CTNND2: variants seen among roughly 807,000 people sequenced by gnomAD.
CTNND2 encodes the protein catenin delta-2.
In CTNND2, 22 loss-of-function variants were observed where a neutral mutation model predicts 144.4. That is an observed-to-expected ratio of 0.15 (90% CI 0.11 to 0.22). The LOEUF (loss-of-function observed/expected upper bound fraction) is 0.22, where lower values mean the gene tolerates loss of function less well. CTNND2 is among the 10% of genes least tolerant of loss of function. The pLI, the probability that CTNND2 is intolerant of heterozygous loss-of-function variation, is 1.00. For synonymous variants in CTNND2, 751 were observed against 695.6 expected, an observed-to-expected ratio of 1.08 and a Z score of -1.25; for missense variants, 1,353 against 1,618.8, an observed-to-expected ratio of 0.84 and a Z score of 2.82.
chr5:11,795,354 C>T, intron 1 of CTNND2, among the ~76,000 whole-genome samples: 1 of 152,198 alleles, frequency 6.6e-6, no homozygotes, highest in East Asian at 1.9e-4. Context: ...GAATAAAAAT[C>T]TGGAAGTGAG....
chr5:11,754,423 T>A (rs1240871075), intron 1 of CTNND2, among the ~76,000 whole-genome samples: 1 of 144,404 alleles, frequency 6.9e-6, no homozygotes, highest in African/African-American at 2.5e-5. Context: ...CTGTTGTGGT[T>A]TTTTGGGGGA....
chr5:11,605,346 T>C (rs1779993716), intron 2 of CTNND2, among the ~76,000 whole-genome samples: 1 of 152,220 alleles, frequency 6.6e-6, no homozygotes, highest in Admixed American at 6.5e-5. Flanking sequence ...GGGTCTTACA[T>C]TCTAATGAAG....
intron 9 of CTNND2, among the ~76,000 whole-genome samples, chr5:11,308,769 A>C (rs1283900177): frequency 6.6e-6 from 1 of 152,180 alleles, no homozygotes; most frequent in Non-Finnish European, 1.5e-5. Flanking sequence ...ACCACAGTCT[A>C]TCTGTATTAG....
chr5:11,673,393 AT>A (rs2126606484), intron 2 of CTNND2, among the ~76,000 whole-genome samples: 1 of 152,312 alleles, frequency 6.6e-6, no homozygotes, highest in South Asian at 2.1e-4. Flanking sequence ...CCAATATGTT[AT>A]AAATGCATTT....
chr5:11,731,706 C>A (rs940389246), intron 2 of CTNND2, among the ~76,000 whole-genome samples: 9 of 152,164 alleles, frequency 5.9e-5, no homozygotes, highest in African/African-American at 2.2e-4. Context: ...TCAGAAAACA[C>A]TGGAAAAACC....
chr5:11,597,335 T>A (rs756540678), intron 2 of CTNND2, among the ~76,000 whole-genome samples: 13 of 152,202 alleles, frequency 8.5e-5, no homozygotes, highest in Admixed American at 2.0e-4. Flanking sequence ...CAGGCTTTGC[T>A]TACAGCTTTG....
At chr5:11,495,816 C>T (rs1482416561) in intron 3 of CTNND2, among the ~76,000 whole-genome samples, 1 of 152,170 alleles carries the variant, frequency 6.6e-6, no homozygotes, top group Non-Finnish European at 1.5e-5. Context: ...CTCTTGCTGA[C>T]ATCTGAGGAG....
intron 9 of CTNND2, among the ~76,000 whole-genome samples, chr5:11,250,512 TACA>T (rs1561094240): frequency 1.9e-4 from 14 of 72,426 alleles, no homozygotes; most frequent in Non-Finnish European, 3.0e-4. Flanking sequence ...TATATATATA[TACA>T]TATATTTTTT....
rs2149956770 is a variant in CTNND2, at chr5:11,471,977, C to CATAT, written c.288-59912_288-59909dup. On this transcript the variant is annotated intron_variant, in intron 3 of 21. Transcript: ENST00000304623. ...CAAAACTTCTTGTCTTCCCTGTTAC[C>CATAT]ATATATAGAACAATTCAGCCTTTAT... is the stretch of plus-strand genomic sequence containing the variant. Among the ~76,000 whole-genome samples the CATAT allele has an allele frequency of 2.0e-5, 3 of 152,218 alleles. 1 individual carries two copies. The South Asian group carries it at 6.2e-4, about 32-fold the overall frequency.
intron 2 of CTNND2, among the ~76,000 whole-genome samples, chr5:11,592,801 G>A (rs1187893373): frequency 6.6e-6 from 1 of 151,254 alleles, no homozygotes; most frequent in Non-Finnish European, 1.5e-5. Context: ...GGGCTAAGAA[G>A]AGCAAGCAGT....
chr5:11,704,404 G>A (rs1785599111), intron 2 of CTNND2, among the ~76,000 whole-genome samples: 1 of 152,170 alleles, frequency 6.6e-6, no homozygotes, highest in Non-Finnish European at 1.5e-5. Flanking sequence ...GTAGCAGATG[G>A]TTCACTTTAA....
chr5:11,540,580 G>A (rs549749727), intron 3 of CTNND2, among the ~76,000 whole-genome samples: 1 of 152,240 alleles, frequency 6.6e-6, no homozygotes, highest in East Asian at 1.9e-4. Context: ...GCAGTGGCAC[G>A]GTCTTGGTTC....
intron 3 of CTNND2, among the ~76,000 whole-genome samples, chr5:11,446,077 T>G (rs986372520): frequency 2.0e-5 from 3 of 152,136 alleles, no homozygotes; most frequent in African/African-American, 7.2e-5. Flanking sequence ...GTTCAAGAGA[T>G]TCTCATGCTT....
intron 9 of CTNND2, among the ~76,000 whole-genome samples, chr5:11,335,220 A>T (rs917830550): frequency 1.3e-5 from 2 of 152,172 alleles, no homozygotes; most frequent in Non-Finnish European, 2.9e-5. Context: ...TTTAAAATAT[A>T]TTTTTTACTA....
At chr5:11,401,060 C>G (rs1298040061) in intron 5 of CTNND2, among the ~76,000 whole-genome samples, 1 of 152,202 alleles carries the variant, frequency 6.6e-6, no homozygotes, top group Admixed American at 6.5e-5. Context: ...CTTACAGATT[C>G]CAGGTGCTGG....
chr5:11,738,300 G>A (rs1449849649), intron 1 of CTNND2, among the ~76,000 whole-genome samples: 1 of 152,160 alleles, frequency 6.6e-6, no homozygotes, highest in East Asian at 1.9e-4. Flanking sequence ...GATGCAATAA[G>A]AAATTCAGAA....
intron 2 of CTNND2, among the ~76,000 whole-genome samples, chr5:11,661,916 A>T (rs1190843268): frequency 1.3e-5 from 2 of 151,750 alleles, no homozygotes; most frequent in Non-Finnish European, 2.9e-5. Context: ...CTCCTGTCAG[A>T]TCAGCAGCGG....
intron 2 of CTNND2, among the ~76,000 whole-genome samples, chr5:11,663,977 C>G (rs1783418433): frequency 6.6e-6 from 1 of 151,978 alleles, no homozygotes; most frequent in South Asian, 2.1e-4. Flanking sequence ...AGGTAGAAAC[C>G]ATCTCAAGAC....
chr5:11,824,569 C>T (rs888642790), intron 1 of CTNND2, among the ~76,000 whole-genome samples: 1 of 152,128 alleles, frequency 6.6e-6, no homozygotes, highest in East Asian at 1.9e-4. Flanking sequence ...GCTCTAAATT[C>T]CTCAGTGACA....
Sources: allele counts gnomAD v4.1 joint callset (sites outside exome capture counted in the v4.1 genomes callset), GRCh38; gene constraint gnomAD v4.1.1; transcripts MANE v1.5; gene names NCBI Gene and HGNC (gene_info 2026-07-23, HGNC 2026-07-21).